The following WDR86 variants were observed in gnomAD, a reference collection of about 807,000 sequenced individuals.
WDR86 encodes the protein WD repeat-containing protein 86.
A neutral mutation model predicts 36.5 loss-of-function variants in WDR86; 30 were observed. That is an observed-to-expected ratio of 0.82 (90% confidence interval 0.61 to 1.11). The LOEUF is 1.11. Ranked by LOEUF, WDR86 falls within the 50% of genes most tolerant of loss-of-function variation. WDR86 has a pLI of 0.00. For synonymous variants in WDR86, 255 were observed against 252.9 expected (o/e 1.01, Z -0.08); for missense variants, 545 against 561.2 (o/e 0.97, Z 0.29).
chr7:151,407,482 G>A (rs1337868949), intron 1 of WDR86, among the ~76,000 whole-genome samples: 5 of 152,196 alleles, frequency 3.3e-5, no homozygotes, highest in African/African-American at 9.6e-5. Flanking sequence ...CCCACAACCC[G>A]TCCCCAGCCC....
chr7:151,404,028 G>A (rs1405708911), intron 1 of WDR86, among the ~76,000 whole-genome samples: 1 of 152,222 alleles, frequency 6.6e-6, no homozygotes, highest in Non-Finnish European at 1.5e-5. Context: ...GCACTTAAAA[G>A]CCAATGGCGG....
Position 151,409,692 on chromosome 7 carries a change from C to G in WDR86, c.-103G>C, listed in dbSNP as rs1801057209. 1 of 1,291,456 alleles carries G rather than the reference C, an allele frequency of 7.7e-7. No individual in the cohort carries two copies. The highest frequency in any genetic ancestry group is 2.5e-5 in the South Asian group (1 of 40,270). 80.0% of individuals were successfully genotyped at this position (1,291,456 alleles called of 1,614,324 possible). On this transcript the variant is annotated 5_prime_UTR_variant, in exon 1 of 6. Coordinates refer to ENST00000334493, the MANE Select transcript of WDR86 (RefSeq NM_198285.3). This position sits in a 1 kb window ranked among gnomAD's most constrained non-coding sequence, Gnocchi z 5.2. ...GTACGACTGCGGCCCGCGGCCATCG[C>G]GGGGAACGGGGAGCCCGACTCCTGC...
chr7:151,393,777 G>A (rs976240992), intron 3 of WDR86, among the ~76,000 whole-genome samples: 1 of 152,070 alleles, frequency 6.6e-6, no homozygotes, highest in African/African-American at 2.4e-5. Flanking sequence ...AGCTCTTTAC[G>A]AGTCTCGGGC....
Position 151,395,794 on chromosome 7 carries a change from G to A in WDR86, c.708C>T (p.Gly236=). 1 of 1,562,320 alleles carries A rather than the reference G, an allele frequency of 6.4e-7. No homozygotes were observed. The highest frequency in any genetic ancestry group is 8.7e-7 in the Non-Finnish European group (1 of 1,155,370). ...EQLRVFREHR[G]SVICLELVNR... ...GTCTCACCTCCAGACAGATGACGGAGCCCCGGTGCTCCCGGAACACCCGCA... is the reference window on the plus strand; with the variant it reads ...GTCTCACCTCCAGACAGATGACGGAACCCCGGTGCTCCCGGAACACCCGCA... The change falls in exon 3 of 6, where the codon GGC becomes GGT. Residue 236 remains glycine (G), a synonymous_variant. Coordinates refer to ENST00000334493, the MANE Select transcript of WDR86 (RefSeq NM_198285.3).
downstream of WDR86, among the ~76,000 whole-genome samples, chr7:151,380,960 C>T (rs560737402): frequency 6.6e-6 from 1 of 152,328 alleles, no homozygotes; most frequent in African/African-American, 2.4e-5. Context: ...ACCAGTGACA[C>T]TGGGGGCAGC....
intron 1 of WDR86, among the ~76,000 whole-genome samples, chr7:151,407,516 C>CG (rs1800797457): frequency 6.6e-6 from 1 of 152,152 alleles, no homozygotes; most frequent in African/African-American, 2.4e-5. Flanking sequence ...GCCAGCTGTG[C>CG]ATAAGACCCA....
chr7:151,401,266 G>A lies in WDR86; in HGVS notation c.164-1025C>T, dbSNP rs1800268997. The stretch of plus-strand genomic sequence containing the variant: ...TGCTCTATGCTGCATCTCCTTTGCT[G>A]TGTGTCTCCTGTTTCAATTCTGTTA... On this transcript the variant is annotated intron_variant, in intron 1 of 5. Transcript: ENST00000334493. This position sits in a 1 kb window ranked among gnomAD's most constrained non-coding sequence, Gnocchi z 4.3. Among the ~76,000 whole-genome samples the A allele has an allele frequency of 6.6e-6, 1 of 152,160 alleles. No homozygotes were observed. Among genetic ancestry groups the A allele is most frequent in the Non-Finnish European group, 1.5e-5 (1 of 68,040 alleles).
chr7:151,374,211 G>A (rs368373075), downstream of WDR86: 25 of 1,563,124 alleles, frequency 1.6e-5, no homozygotes, highest in South Asian at 3.5e-5. Context: ...GGTACTCCAC[G>A]CAGCCAGCGG....
chr7:151,409,566 C>A lies in WDR86; in HGVS notation c.24G>T (p.Leu8=). The A allele has an allele frequency of 7.0e-7, 1 of 1,423,654 alleles. No homozygotes were observed. Among genetic ancestry groups the A allele is most frequent in the East Asian group, 2.8e-5 (1 of 35,542 alleles). The allele number at this position is 1,423,654 out of a possible 1,614,324, so 88.2% of individuals were successfully genotyped here. A position where few individuals can be genotyped will look rare whatever the true frequency, so the allele number is the denominator to read the frequency against. MGGGGSA[L]RVCADHRGGI... The stretch of plus-strand genomic sequence containing the variant: ...CCCCGCGGTGGTCGGCGCAGACCCT[C>A]AGGGCCGACCCGCCGCCCCCCATCC... Residue 8 remains leucine (L), a synonymous_variant, in exon 1 of 6, where the codon CTG becomes CTT. Coordinates refer to ENST00000334493, the MANE Select transcript of WDR86 (RefSeq NM_198285.3). The surrounding 1 kb of genome is among the most constrained non-coding windows in gnomAD (Gnocchi z 5.2).
chr7:151,409,975 G>A lies in WDR86; in HGVS notation c.-386C>T. On this transcript the variant is annotated 5_prime_UTR_variant, in exon 1 of 6. Coordinates refer to ENST00000334493, the MANE Select transcript of WDR86 (RefSeq NM_198285.3). The surrounding 1 kb of genome is among the most constrained non-coding windows in gnomAD (Gnocchi z 5.2). ...CTCTCGCGCCCACGGGGCTGGGGCG[G>A]GGAGAGGAACACGGGAAGCCGAGCG... is the stretch of plus-strand genomic sequence containing the variant. The A allele has an allele frequency of 2.0e-6, 2 of 1,014,706 alleles. No homozygotes were observed. Among genetic ancestry groups the A allele is most frequent in the South Asian group, 4.6e-5 (1 of 21,760 alleles). 62.9% of individuals were successfully genotyped at this position (1,014,706 alleles called of 1,614,324 possible).
chr7:151,389,062 T>C (rs1464945966), intron 3 of WDR86, among the ~76,000 whole-genome samples: 1 of 152,064 alleles, frequency 6.6e-6, no homozygotes, highest in Non-Finnish European at 1.5e-5. Flanking sequence ...AATACATTTC[T>C]ATTATTTATA....
Position 151,381,243 on chromosome 7 carries a change from C to T in WDR86, c.*339G>A. 7.7e-7 allele frequency: 1 copy of T among 1,300,364 alleles called. No individual in the cohort carries two copies. The highest frequency in any genetic ancestry group is 9.7e-7 in the Non-Finnish European group (1 of 1,028,880). 80.6% of individuals were successfully genotyped at this position (1,300,364 alleles called of 1,614,324 possible). ...TCACTTCCTCTCAGCAGGAAAGGCC[C>T]AGTTTCGTGGGGCTGGGGGAGCTGG... On this transcript the variant is annotated 3_prime_UTR_variant, in exon 6 of 6. Coordinates refer to ENST00000334493, the MANE Select transcript of WDR86 (RefSeq NM_198285.3). The surrounding 1 kb of genome is among the most constrained non-coding windows in gnomAD (Gnocchi z 4.8).
intron 2 of WDR86, among the ~76,000 whole-genome samples, chr7:151,397,533 C>G (rs1454407518): frequency 1.3e-5 from 2 of 152,150 alleles, no homozygotes; most frequent in Non-Finnish European, 2.9e-5. Flanking sequence ...AAGCGATTCT[C>G]CTGCCTCAGC....
chr7:151,398,725 G>A (rs969082437), intron 2 of WDR86, among the ~76,000 whole-genome samples: 11 of 152,282 alleles, frequency 7.2e-5, no homozygotes, highest in African/African-American at 2.4e-4. Context: ...ATGTGTATGT[G>A]TAAGTTGTGT....
chr7:151,377,803 G>C (rs59584074), downstream of WDR86: 11,602 of 152,312 alleles, frequency 0.076, 498 homozygotes, highest in South Asian at 0.13. Context: ...GCAGCAAATG[G>C]CTTCAGCCTG....
chr7:151,371,599 G>A (rs577640976), downstream of WDR86, among the ~76,000 whole-genome samples: 2 of 152,286 alleles, frequency 1.3e-5, no homozygotes, highest in South Asian at 4.1e-4. Context: ...TCAGGGAGGG[G>A]TAGAATGGGT....
chr7:151,381,412 T>A lies in WDR86; in HGVS notation c.*170A>T. 1 of 1,486,842 alleles carries A rather than the reference T, an allele frequency of 6.7e-7. No individual in the cohort carries two copies. The highest frequency in any genetic ancestry group is 8.9e-7 in the Non-Finnish European group (1 of 1,126,524). The allele number at this position is 1,486,842 out of a possible 1,614,324, so 92.1% of individuals were successfully genotyped here. ...GGCGAGCACTCCCGCTCCCAGCGCC[T>A]CCTGGCCACCAAAGAAAAACCAGAC... On this transcript the variant is annotated 3_prime_UTR_variant, in exon 6 of 6. Transcript: ENST00000334493. This position sits in a 1 kb window ranked among gnomAD's most constrained non-coding sequence, Gnocchi z 4.8.
chr7:151,399,992 C>A (rs1800163587), intron 2 of WDR86, 108 bp downstream of exon 2: 2 of 1,153,254 alleles, frequency 1.7e-6, no homozygotes, highest in East Asian at 3.0e-5. Context: ...TTTTGCTTCC[C>A]CAGAGAGCCA....
downstream of WDR86, chr7:151,381,108 G>C: frequency 1.7e-6 from 2 of 1,210,234 alleles, no homozygotes; most frequent in Non-Finnish European, 2.1e-6. This position sits in a 1 kb window ranked among gnomAD's most constrained non-coding sequence, Gnocchi z 4.8. Flanking sequence ...AAAACAAAAA[G>C]AGGACACAGG....
Sources: allele counts gnomAD v4.1 joint callset (sites outside exome capture counted in the v4.1 genomes callset), GRCh38; gene constraint gnomAD v4.1.1; non-coding constraint Gnocchi (gnomAD v3.1); transcripts MANE v1.5; gene names NCBI Gene and HGNC (gene_info 2026-07-23, HGNC 2026-07-21).